TTN: variants seen among roughly 807,000 people sequenced by gnomAD.
The protein encoded by TTN is connectin.
TTN carries 1,525 observed loss-of-function variants against 3,223.0 expected under a neutral mutation model. The ratio of observed to expected loss-of-function variants is 0.47; its 90% CI spans 0.45 to 0.49. The LOEUF (loss-of-function observed/expected upper bound fraction) is 0.49, where lower values mean the gene tolerates loss of function less well. Ranked by LOEUF, TTN falls within the 20% of genes least tolerant of loss-of-function variation. The pLI is 0.00. For synonymous variants in TTN, 14,094 were observed against 15,161.0 expected, an observed-to-expected ratio of 0.93 and a Z score of 5.17; for missense variants, 40,786 against 43,424.0, an observed-to-expected ratio of 0.94 and a Z score of 5.40.
intron 207 of TTN, 22 bp downstream of exon 207, chr2:178,651,431 A>G (rs1241153878): frequency 5.0e-6 from 8 of 1,604,488 alleles, no homozygotes; most frequent in Non-Finnish European, 6.0e-6. Context: ...GCCCCCATCA[A>G]ACAGTGGACA....
chr2:178,779,141 A>G, intron 23 of TTN, 23 bp from the exon 24 acceptor site: 1 of 1,613,426 alleles, frequency 6.2e-7, no homozygotes. Context: ...CCATGCATGT[A>G]TGAATAAAAT....
rs779399871 is a variant in TTN, at chr2:178,569,477, C to T, written c.76655G>A (p.Arg25552Gln). The T allele has an allele frequency of 1.1e-5, 18 of 1,612,676 alleles. No homozygotes were observed. The highest frequency in any genetic ancestry group is 1.1e-4 in the South Asian group (10 of 90,996). ...VKWGKVDGEI[R>Q]DAAIIDVTSS... ...AGTGACATCAATTATAGCTGCATCT[C>T]GGATTTCACCATCCACCTTTCCCCA... The change falls in exon 326 of 363, where the codon CGA (arginine) becomes CAA (glutamine). Residue 25552 changes from arginine to glutamine, a missense_variant. By Grantham distance (43) the Arg-to-Gln change is conservative. Transcript: ENST00000589042.
Position 178,713,265 on chromosome 2 carries a change from C to G in TTN, c.26869G>C (p.Val8957Leu). The G allele has an allele frequency of 6.2e-7, 1 of 1,611,796 alleles. No individual in the cohort carries two copies. The highest frequency in any genetic ancestry group is 8.5e-7 in the Non-Finnish European group (1 of 1,178,784). The change falls in exon 93 of 363, where the codon GTC (valine) becomes CTC (leucine). Residue 8957 changes from valine to leucine, a missense_variant. Physicochemically the swap from Val to Leu is conservative, Grantham distance 32. Coordinates refer to ENST00000589042, the MANE Select transcript of TTN (RefSeq NM_001267550.2). The stretch of plus-strand genomic sequence containing the variant: ...TCATTTCCTTCATGGAACCAGGAGA[C>G]AGAGATTGGAGGTGACCCATAGACT... Reference protein sequence around the residue: ...CKVYGSPPISVSWFHEGNEIS... With the variant: ...CKVYGSPPISLSWFHEGNEIS...
chr2:178,784,000 C>G, intron 16 of TTN, 70 bp downstream of exon 16: 2 of 1,607,428 alleles, frequency 1.2e-6, no homozygotes, highest in Non-Finnish European at 1.7e-6. Flanking sequence ...CTTTTCAGTA[C>G]AAACTAGCCA....
Position 178,562,571 on chromosome 2 carries a change from G to T in TTN, c.83561C>A (p.Thr27854Lys). 6.2e-7 allele frequency: 1 copy of T among 1,611,056 alleles called. No homozygotes were observed. The highest frequency in any genetic ancestry group is 2.2e-5 in the East Asian group (1 of 44,812). ...NEYGIGLPAE[T>K]TEPVKVSEPP... is the part of the protein sequence containing the mutation. The stretch of plus-strand genomic sequence containing the variant: ...TTCAGACACTTTAACGGGTTCTGTT[G>T]TTTCAGCTGGCAAACCAATCCCATA... The change falls in exon 326 of 363, where the codon ACA becomes AAA. Residue 27854 changes from threonine to lysine, a missense_variant. Coordinates refer to ENST00000589042, the MANE Select transcript of TTN (RefSeq NM_001267550.2).
At chr2:178,783,181 T>A in intron 17 of TTN, 117 bp from the exon 18 acceptor site, 2 of 1,045,402 alleles carry the variant, frequency 1.9e-6, no homozygotes, top group Non-Finnish European at 2.9e-6. Flanking sequence ...AATGGCCTTT[T>A]AATCAGGACT....
rs2055205027 is a variant in TTN at position 178,607,597 on chromosome 2, A to T, written c.53091T>A (p.Thr17697=). ...GKTLRIPAVV[T]GRPVPTKVWT... Reference sequence around the variant, plus strand: ...ATACTTTTGTAGGTACAGGGCGACCAGTCACCACAGCTGGAATTCTAAGAG... The same window carrying T: ...ATACTTTTGTAGGTACAGGGCGACCTGTCACCACAGCTGGAATTCTAAGAG... Residue 17697 remains threonine (T), a synonymous_variant, in exon 277 of 363, where the codon ACT becomes ACA. Coordinates refer to ENST00000589042, the MANE Select transcript of TTN (RefSeq NM_001267550.2). 1 of 1,613,204 alleles carries T rather than the reference A, an allele frequency of 6.2e-7. No individual in the cohort carries two copies. Among genetic ancestry groups the T allele is most frequent in the Non-Finnish European group, 8.5e-7 (1 of 1,179,390 alleles).
At position 178,609,301 on chromosome 2, in the gene TTN, G is replaced by A. The variant is rs1343120755; in HGVS notation, c.52009C>T (p.Arg17337Ter). Reference protein sequence around the residue: ...SKKGESQLRVRDSLRPDHGLY... With the variant: ...SKKGESQLRV ...CCATGGTCAGGTCGGAGAGAATCTC[G>A]GACGCGTAGCTGAGATTCTCCCTTT... Residue 17337 changes from arginine to a stop codon, truncating the protein, a stop_gained, in exon 273 of 363, where the codon CGA (arginine) becomes TGA (stop). Transcript: ENST00000589042. LOFTEE classifies it high-confidence loss of function. 1.9e-6 allele frequency: 3 copies of A among 1,601,718 alleles called. No individual in the cohort carries two copies. Among genetic ancestry groups the A allele is most frequent in the East Asian group, 2.2e-5 (1 of 44,498 alleles).
intron 47 of TTN, chr2:178,744,653 A>G (rs1040006788): frequency 1.0e-6 from 1 of 956,550 alleles, no homozygotes; most frequent in African/African-American, 1.8e-5. Context: ...TCTGAAATAC[A>G]AATTACCATA....
In TTN at chr2:178,528,709, G is replaced by C; in HGVS notation, c.107042C>G (p.Thr35681Ser). The change falls in exon 360 of 363, where the codon ACC becomes AGC. Residue 35681 changes from threonine (T) to serine (S), a missense_variant. Thr to Ser is a moderately conservative substitution (Grantham distance 58). Coordinates refer to ENST00000589042, the MANE Select transcript of TTN (RefSeq NM_001267550.2). The part of the protein sequence containing the change: ...DEGILTCISK[T>S]KEGIVKCQYD... ...CTGACACTTGACGATTCCTTCCTTG[G>C]TTTTGCTTATGCAGGTGAGGATTCC... 1.2e-6 allele frequency: 2 copies of C among 1,613,576 alleles called. No individual in the cohort carries two copies. The highest frequency in any genetic ancestry group is 2.7e-5 in the African/African-American group (2 of 75,014).
rs1559975658 is a variant in TTN at position 178,634,689 on chromosome 2, T to G, written c.42151+34A>C. On this transcript the variant is annotated intron_variant, in intron 229 of 362. Coordinates refer to ENST00000589042, the MANE Select transcript of TTN (RefSeq NM_001267550.2). The surrounding 1 kb of genome is among the most constrained non-coding windows in gnomAD (Gnocchi z 4.6). ...AATGCACAGGGAAGTGAAATAAAGT[T>G]GAGACCCCTCCCCAAATTCTAAAAG... The G allele has an allele frequency of 6.2e-7, 1 of 1,612,232 alleles. No homozygotes were observed. The highest frequency in any genetic ancestry group is 8.5e-7 in the Non-Finnish European group (1 of 1,179,234).
Position 178,582,485 on chromosome 2 carries a change from A to G in TTN, c.65971T>C (p.Tyr21991His), listed in dbSNP as rs1407550215. The G allele has an allele frequency of 1.2e-6, 2 of 1,612,818 alleles. No homozygotes were observed. The highest frequency in any genetic ancestry group is 1.3e-5 in the African/African-American group (1 of 74,852). ...CTTGTTTCACGTTTGTCAACAATAT[A>G]GTTGGTGATTTCTGAGCCTCCATCT... ...LEDGGSEITNYIVDKRETSRP... is the reference protein window; with the variant it reads ...LEDGGSEITNHIVDKRETSRP... Residue 21991 changes from tyrosine (Y) to histidine (H), a missense_variant, in exon 314 of 363, where the codon TAT becomes CAT. Tyr to His is a moderately conservative substitution (Grantham distance 83). Coordinates refer to ENST00000589042, the MANE Select transcript of TTN (RefSeq NM_001267550.2).
chr2:178,589,240 A>G lies in TTN; in HGVS notation c.62485T>C (p.Phe20829Leu). ...KIDTRADSSK[F>L]SLTKAKRSDG... The stretch of plus-strand genomic sequence containing the variant: ...CTTCGCTTTGCTTTAGTAAGAGAAA[A>G]TTTAGATGAATCAGCACGGGTATCA... Residue 20829 changes from phenylalanine to leucine, a missense_variant, in exon 304 of 363, where the codon TTT becomes CTT. Phe to Leu is a conservative substitution (Grantham distance 22, BLOSUM62 0). Coordinates refer to ENST00000589042, the MANE Select transcript of TTN (RefSeq NM_001267550.2). The G allele has an allele frequency of 6.2e-7, 1 of 1,613,460 alleles. No individual in the cohort carries two copies. The highest frequency in any genetic ancestry group is 8.5e-7 in the Non-Finnish European group (1 of 1,179,624).
Position 178,540,159 on chromosome 2 carries a change from T to G in TTN, c.98007A>C (p.Ala32669=), listed in dbSNP as rs755205833. 12 of 1,613,710 alleles carry G rather than the reference T, an allele frequency of 7.4e-6. No homozygotes were observed. The highest frequency in any genetic ancestry group is 6.6e-5 in the South Asian group (6 of 91,078). The change falls in exon 351 of 363, where the codon GCA becomes GCC. Residue 32669 remains alanine, a synonymous_variant. Transcript: ENST00000589042. ...EYTLTHLPQG[A]EYRFRVLACN... ...AAGCTAGGACGCGGAACCTGTATTCTGCACCCTGAGGTAGGTGTGTTAGAG... is the reference window on the plus strand; with the variant it reads ...AAGCTAGGACGCGGAACCTGTATTCGGCACCCTGAGGTAGGTGTGTTAGAG...
chr2:178,718,089 G>A lies in TTN; in HGVS notation c.24917C>T (p.Ser8306Leu), dbSNP rs776712129. Residue 8306 changes from serine to leucine, a missense_variant, in exon 86 of 363, where the codon TCA becomes TTA. Physicochemically the swap from Ser to Leu is moderately radical, Grantham distance 145 (BLOSUM62 -2). Coordinates refer to ENST00000589042, the MANE Select transcript of TTN (RefSeq NM_001267550.2). ...GAATTGCATTTTATATGCAGGAGCTGATCGTAGCTTTGTGTGTTCTTTATA... is the reference window on the plus strand; with the variant it reads ...GAATTGCATTTTATATGCAGGAGCTAATCGTAGCTTTGTGTGTTCTTTATA... ...SWYKEHTKLRSAPAYKMQFKN... is the reference protein window; with the variant it reads ...SWYKEHTKLRLAPAYKMQFKN... 1.4e-5 allele frequency: 22 copies of A among 1,613,312 alleles called. No individual in the cohort carries two copies. Among genetic ancestry groups the A allele is most frequent in the East Asian group, 2.2e-5 (1 of 44,878 alleles).
Position 178,565,942 on chromosome 2 carries a change from A to G in TTN, c.80190T>C (p.Tyr26730=), listed in dbSNP as rs1060503950. ...IDKRESTRKA[Y]ANVSSKCSKT... is the part of the protein sequence containing the mutation. Reference sequence around the variant, plus strand: ...TGCTGCATTTACTACTCACATTAGCATACGCTTTTCTGGTTGACTCACGTT... The same window carrying G: ...TGCTGCATTTACTACTCACATTAGCGTACGCTTTTCTGGTTGACTCACGTT... The change falls in exon 326 of 363, where the codon TAT becomes TAC. Residue 26730 remains tyrosine, a synonymous_variant. Coordinates refer to ENST00000589042, the MANE Select transcript of TTN (RefSeq NM_001267550.2). 4 of 1,613,476 alleles carry G rather than the reference A, an allele frequency of 2.5e-6. No individual in the cohort carries two copies. The highest frequency in any genetic ancestry group is 3.4e-6 in the Non-Finnish European group (4 of 1,179,674).
Position 178,739,586 on chromosome 2 carries a change from G to C in TTN, c.13647C>G (p.Ala4549=). The C allele has an allele frequency of 6.2e-7, 1 of 1,613,724 alleles. No individual in the cohort carries two copies. Among genetic ancestry groups the C allele is most frequent in the Non-Finnish European group, 8.5e-7 (1 of 1,179,834 alleles). The change falls in exon 48 of 363, where the codon GCC becomes GCG. Residue 4549 remains alanine, a synonymous_variant. Transcript: ENST00000589042. ...NVQSRVKYLD[A]TPVTKGVASA... Reference sequence around the variant, plus strand: ...AAGCAACCCCTTTAGTGACAGGTGTGGCATCCAAATATTTAACCCTACTTT... The same window carrying C: ...AAGCAACCCCTTTAGTGACAGGTGTCGCATCCAAATATTTAACCCTACTTT...
At chr2:178,579,503 A>G (rs1193705193) in intron 319 of TTN, 58 bp downstream of exon 319, 1 of 1,596,826 alleles carries the variant, frequency 6.3e-7, no homozygotes, top group East Asian at 2.2e-5. Context: ...AGTGGGACAC[A>G]AGAGTGCACT....
At position 178,780,116 on chromosome 2, in the gene TTN, T is replaced by C. The variant is rs376716489; in HGVS notation, c.3613A>G (p.Thr1205Ala). 3 of 1,613,888 alleles carry C rather than the reference T, an allele frequency of 1.9e-6. No homozygotes were observed. Among genetic ancestry groups the C allele is most frequent in the East Asian group, 4.5e-5 (2 of 44,804 alleles). Residue 1205 changes from threonine (T) to alanine (A), a missense_variant, in exon 22 of 363, where the codon ACA (threonine) becomes GCA (alanine). Physicochemically the swap from Thr to Ala is moderately conservative, Grantham distance 58. Transcript: ENST00000589042. ...AFVQEPKVGE[T>A]APGFVYSEYE... ...TCAGAGTATACAAATCCAGGTGCTG[T>C]TTCTCCAACTTTAGGTTCTTGAACA...
Sources: allele counts gnomAD v4.1 joint callset, GRCh38; gene constraint gnomAD v4.1.1; non-coding constraint Gnocchi (gnomAD v3.1); transcripts MANE v1.5; gene names NCBI Gene and HGNC (gene_info 2026-07-23, HGNC 2026-07-21).